SDCCAG8: variants seen among roughly 807,000 people sequenced by gnomAD.
SDCCAG8 encodes SHH signaling and ciliogenesis regulator SDCCAG8, also known as serologically defined colon cancer antigen 8.
A neutral mutation model predicts 101.8 loss-of-function variants in SDCCAG8; 74 were observed. The observed-to-expected ratio is 0.73, with a 90% CI of 0.60 to 0.88. SDCCAG8 has a LOEUF of 0.88. Ranked by LOEUF, SDCCAG8 falls within the 40% of genes least tolerant of loss-of-function variation. The pLI is 0.00. For missense variants in SDCCAG8, 787 were observed against 822.6 expected, an observed-to-expected ratio of 0.96 and a Z score of 0.53; for synonymous variants, 281 against 292.9, an observed-to-expected ratio of 0.96 and a Z score of 0.41.
intron 15 of SDCCAG8, among the ~76,000 whole-genome samples, chr1:243,419,757 TCA>T (rs2080858242): frequency 6.6e-6 from 1 of 152,220 alleles, no homozygotes; most frequent in African/African-American, 2.4e-5. Flanking sequence ...TAAAGAAAAT[TCA>T]AGCCACAGTA....
rs765033883 is a variant in SDCCAG8 at position 243,374,998 on chromosome 1, G to T, written c.1474-3723G>T. The stretch of plus-strand genomic sequence containing the variant: ...TAGACAATTCTAGAAATAATAAAAT[G>T]ATACATAAGAAAATTAATTTAAACA... On this transcript the variant is annotated intron_variant, in intron 12 of 17. Coordinates refer to ENST00000366541, the MANE Select transcript of SDCCAG8 (RefSeq NM_006642.5). Among the ~76,000 whole-genome samples the T allele has an allele frequency of 3.3e-5, 5 of 152,012 alleles. No homozygotes were observed. The East Asian group carries it at 9.6e-4, about 29-fold the overall frequency.
rs144253950 is a variant in SDCCAG8 at position 243,326,863 on chromosome 1, T to C, written c.1069-3677T>C. Among the ~76,000 whole-genome samples the C allele has an allele frequency of 2.1e-3, 321 of 152,342 alleles. 1 individual carries two copies. The highest frequency in any genetic ancestry group is 7.3e-3 in the African/African-American group (304 of 41,572). ...TTTTAAAATTTTAGTTGACTAGATA[T>C]AAATTTTGTTTTCGAAAATATTTTG... On this transcript the variant is annotated intron_variant, in intron 9 of 17. Coordinates refer to ENST00000366541, the MANE Select transcript of SDCCAG8 (RefSeq NM_006642.5).
At chr1:243,363,064 A>T (rs1385255879) in intron 12 of SDCCAG8, among the ~76,000 whole-genome samples, 1 of 152,180 alleles carries the variant, frequency 6.6e-6, no homozygotes, top group African/African-American at 2.4e-5. Flanking sequence ...TTTGTGTCAC[A>T]GACACATTTG....
intron 17 of SDCCAG8, among the ~76,000 whole-genome samples, chr1:243,495,730 C>T (rs1667683034): frequency 6.6e-6 from 1 of 152,202 alleles, no homozygotes; most frequent in African/African-American, 2.4e-5. Context: ...CCGCGTTTCC[C>T]CGACGTTCTG....
intron 1 of SDCCAG8, among the ~76,000 whole-genome samples, chr1:243,263,879 T>A (rs188238728): frequency 6.6e-6 from 1 of 152,338 alleles, no homozygotes; most frequent in Admixed American, 6.5e-5. Flanking sequence ...CTTGGTAGTG[T>A]TACCTGTTGG....
At chr1:243,359,679 C>T (rs1159017900) in intron 12 of SDCCAG8, among the ~76,000 whole-genome samples, 2 of 152,176 alleles carry the variant, frequency 1.3e-5, no homozygotes, top group African/African-American at 4.8e-5. Context: ...AGGGTCTTAA[C>T]TTACCCTTCA....
intron 12 of SDCCAG8, among the ~76,000 whole-genome samples, chr1:243,368,500 G>A (rs2077112195): frequency 6.6e-6 from 1 of 152,150 alleles, no homozygotes; most frequent in Admixed American, 6.5e-5. Context: ...ACAAGGAACT[G>A]CCAAATATCC....
At chr1:243,455,395 A>G (rs1254745022) in intron 16 of SDCCAG8, among the ~76,000 whole-genome samples, 2 of 152,034 alleles carry the variant, frequency 1.3e-5, no homozygotes, top group Non-Finnish European at 2.9e-5. Context: ...TCAGCCTCCC[A>G]AGTAGCTGGG....
chr1:243,408,149 G>A (rs1439122595), intron 13 of SDCCAG8, among the ~76,000 whole-genome samples: 1 of 152,116 alleles, frequency 6.6e-6, no homozygotes, highest in Non-Finnish European at 1.5e-5. Flanking sequence ...ACACCTGTGA[G>A]GATACTTAGT....
At position 243,421,785 on chromosome 1, in the gene SDCCAG8, C is replaced by T. The variant is rs79973028; in HGVS notation, c.1853+3709C>T. On this transcript the variant is annotated intron_variant, in intron 15 of 17. Transcript: ENST00000366541. ...GCTCACATAAACTTTCGCTATCCTTCCTTCTGTATTCCCCAGTACTCTGAG... is the reference window on the plus strand; with the variant it reads ...GCTCACATAAACTTTCGCTATCCTTTCTTCTGTATTCCCCAGTACTCTGAG... Among the ~76,000 whole-genome samples, 315 of 152,278 alleles carry T rather than the reference C, an allele frequency of 2.1e-3. 4 individuals are homozygous for T. The highest frequency in any genetic ancestry group is 0.015 in the Admixed American group (223 of 15,302).
At chr1:243,466,664 A>G (rs891708327) in intron 16 of SDCCAG8, among the ~76,000 whole-genome samples, 5 of 152,250 alleles carry the variant, frequency 3.3e-5, no homozygotes, top group Non-Finnish European at 5.9e-5. Flanking sequence ...TGAATTGTTT[A>G]AAGTGTCCAG....
intron 17 of SDCCAG8, among the ~76,000 whole-genome samples, chr1:243,495,285 G>A (rs1402281609): frequency 6.6e-6 from 1 of 152,220 alleles, no homozygotes; most frequent in Non-Finnish European, 1.5e-5. Flanking sequence ...TCGAGATGCT[G>A]TCTTACGGAA....
intron 9 of SDCCAG8, among the ~76,000 whole-genome samples, chr1:243,324,999 T>G (rs1317665581): frequency 2.0e-5 from 3 of 152,212 alleles, no homozygotes; most frequent in African/African-American, 7.2e-5. Context: ...CTTCCTGAAG[T>G]TTTCCCCAGC....
At chr1:243,322,595 C>G (rs1415418379) in intron 9 of SDCCAG8, among the ~76,000 whole-genome samples, 1 of 152,184 alleles carries the variant, frequency 6.6e-6, no homozygotes, top group Non-Finnish European at 1.5e-5. Context: ...ACCCTGATCA[C>G]TGTTAAATCC....
chr1:243,377,014 A>AAT (rs1312887752), intron 12 of SDCCAG8, among the ~76,000 whole-genome samples: 1 of 152,180 alleles, frequency 6.6e-6, no homozygotes, highest in Non-Finnish European at 1.5e-5. Context: ...TGCTCATGCT[A>AAT]ATATATCCCT....
At chr1:243,261,515 ATAT>A (rs2067190547) in intron 1 of SDCCAG8, among the ~76,000 whole-genome samples, 1 of 152,220 alleles carries the variant, frequency 6.6e-6, no homozygotes, top group Non-Finnish European at 1.5e-5. Flanking sequence ...TTTTGCTTGT[ATAT>A]GATTAGCACA....
chr1:243,347,235 A>T (rs1573465024), intron 12 of SDCCAG8, among the ~76,000 whole-genome samples: 1 of 152,194 alleles, frequency 6.6e-6, no homozygotes, highest in South Asian at 2.1e-4. Context: ...TGGATCTCAG[A>T]CCTTATGTTA....
chr1:243,452,968 A>AAGG (rs1177544290), intron 16 of SDCCAG8, among the ~76,000 whole-genome samples: 1 of 152,226 alleles, frequency 6.6e-6, no homozygotes, highest in South Asian at 2.1e-4. Flanking sequence ...GCCACGAGGC[A>AAGG]AGGACTTCAT....
At chr1:243,377,945 T>C (rs547218693) in intron 12 of SDCCAG8, among the ~76,000 whole-genome samples, 1 of 151,308 alleles carries the variant, frequency 6.6e-6, no homozygotes, top group South Asian at 2.1e-4. Flanking sequence ...CTTTAATATA[T>C]AAATTATTTA....
Sources: allele counts gnomAD v4.1 joint callset (sites outside exome capture counted in the v4.1 genomes callset), GRCh38; gene constraint gnomAD v4.1.1; transcripts MANE v1.5; gene names NCBI Gene and HGNC (gene_info 2026-07-23, HGNC 2026-07-21).